Variants in GALNT13 observed in about 807,000 individuals in gnomAD.
GALNT13 encodes the protein UDP-GalNAc:polypeptide N-acetylgalactosaminyltransferase 13.
A neutral mutation model predicts 64.2 loss-of-function variants in GALNT13; 28 were observed. The ratio of observed to expected loss-of-function variants is 0.44; its 90% confidence interval spans 0.32 to 0.60. The LOEUF (loss-of-function observed/expected upper bound fraction) is 0.60. Ranked by LOEUF, GALNT13 falls within the 20% of genes least tolerant of loss-of-function variation. GALNT13 has a pLI of 0.05. For synonymous variants in GALNT13, 214 were observed against 224.6 expected (o/e 0.95, Z 0.42); for missense variants, 577 against 669.8 (o/e 0.86, Z 1.53).
the GALNT13 span, among the ~76,000 whole-genome samples, chr2:153,150,265 G>A: frequency 2.0e-5 from 3 of 151,986 alleles, no homozygotes; most frequent in Non-Finnish European, 4.4e-5. Context: ...ACCTATAAAT[G>A]TCCTCTTTTG....
At chr2:154,103,657 C>A (rs2105469558) in intron 3 of GALNT13, among the ~76,000 whole-genome samples, 1 of 152,188 alleles carries the variant, frequency 6.6e-6, no homozygotes, top group African/African-American at 2.4e-5. Flanking sequence ...ATTTATTATT[C>A]TTTTCTCCCC....
chr2:153,101,541 T>C, the GALNT13 span, among the ~76,000 whole-genome samples: 1 of 152,236 alleles, frequency 6.6e-6, no homozygotes. Flanking sequence ...ATCTGAAATG[T>C]AATGCACTGC....
the GALNT13 span, among the ~76,000 whole-genome samples, chr2:153,462,085 T>A: frequency 6.6e-6 from 1 of 152,124 alleles, no homozygotes; most frequent in East Asian, 1.9e-4. Context: ...GGAGCTTTTA[T>A]GGAATAGATA....
chr2:153,490,952 T>C, the GALNT13 span, among the ~76,000 whole-genome samples: 1 of 142,808 alleles, frequency 7.0e-6, no homozygotes, highest in African/African-American at 2.7e-5. Context: ...AAAGCCAGAC[T>C]CTGTCTCAAA....
the GALNT13 span, among the ~76,000 whole-genome samples, chr2:153,667,070 A>C: frequency 6.6e-6 from 1 of 152,158 alleles, no homozygotes; most frequent in Non-Finnish European, 1.5e-5. Context: ...AACTCACTTC[A>C]GTCAGAAAAA....
At chr2:153,263,510 A>C in the GALNT13 span, among the ~76,000 whole-genome samples, 37 of 152,350 alleles carry the variant, frequency 2.4e-4, no homozygotes, top group South Asian at 7.7e-3. Flanking sequence ...AGCAAAAAGA[A>C]CAAAGCTAGA....
At chr2:154,299,390 A>T (rs562718765) in intron 8 of GALNT13, among the ~76,000 whole-genome samples, 1 of 151,882 alleles carries the variant, frequency 6.6e-6, no homozygotes, top group Admixed American at 6.6e-5. Context: ...AATGTGCGTA[A>T]TCACAAGAAG....
the GALNT13 span, among the ~76,000 whole-genome samples, chr2:153,592,536 T>C: frequency 6.6e-6 from 1 of 152,160 alleles, no homozygotes; most frequent in Admixed American, 6.6e-5. Flanking sequence ...AATTATGTCT[T>C]TTGCAGCACC....
the GALNT13 span, among the ~76,000 whole-genome samples, chr2:153,196,838 C>A: frequency 6.6e-6 from 1 of 152,098 alleles, no homozygotes; most frequent in African/African-American, 2.4e-5. Context: ...CACCCTGGGC[C>A]CAGCTCCGAC....
At chr2:153,068,960 G>A in the GALNT13 span, among the ~76,000 whole-genome samples, 1 of 152,198 alleles carries the variant, frequency 6.6e-6, no homozygotes. Context: ...CTTATGGAGA[G>A]TTGTGCTTTC....
chr2:154,307,094 T>C (rs1165788908), intron 9 of GALNT13, among the ~76,000 whole-genome samples: 2 of 151,838 alleles, frequency 1.3e-5, no homozygotes, highest in African/African-American at 2.4e-5. Flanking sequence ...CAAGATGGAG[T>C]TGGGTAGGTC....
the GALNT13 span, among the ~76,000 whole-genome samples, chr2:153,126,337 TA>T: frequency 1.7e-5 from 1 of 57,746 alleles, no homozygotes; most frequent in African/African-American, 5.2e-5. Flanking sequence ...TATATATATA[TA>T]TATATATATG....
intron 11 of GALNT13, among the ~76,000 whole-genome samples, chr2:154,431,709 T>A: frequency 6.6e-6 from 1 of 152,194 alleles, no homozygotes; most frequent in East Asian, 1.9e-4. Context: ...AATCCCCACG[T>A]GTCATGAGAG....
the GALNT13 span, among the ~76,000 whole-genome samples, chr2:153,475,303 T>C: frequency 6.6e-6 from 1 of 152,346 alleles, no homozygotes. Flanking sequence ...TGCATTTCCC[T>C]GTAGTGCATA....
chr2:154,238,269 A>G (rs77297499), intron 4 of GALNT13, among the ~76,000 whole-genome samples: 3,702 of 152,172 alleles, frequency 0.024, 132 homozygotes, highest in African/African-American at 0.077. Context: ...TTTAAAGGCA[A>G]AGAAAGCTTA....
the GALNT13 span, among the ~76,000 whole-genome samples, chr2:153,809,449 C>A: frequency 6.6e-6 from 1 of 152,126 alleles, no homozygotes; most frequent in African/African-American, 2.4e-5. Context: ...AACATCATGT[C>A]CTAATACATC....
upstream of GALNT13, among the ~76,000 whole-genome samples, chr2:153,869,986 A>T (rs938909454): frequency 1.3e-5 from 2 of 152,058 alleles, no homozygotes; most frequent in Non-Finnish European, 2.9e-5. Context: ...GCTAGATTAA[A>T]CAAAAGACAA....
At chr2:153,391,404 G>A in the GALNT13 span, among the ~76,000 whole-genome samples, 24 of 152,070 alleles carry the variant, frequency 1.6e-4, no homozygotes, top group African/African-American at 5.3e-4. Flanking sequence ...TGACACGCTA[G>A]TAATGATTGT....
the GALNT13 span, among the ~76,000 whole-genome samples, chr2:153,227,521 A>T: frequency 6.6e-6 from 1 of 152,202 alleles, no homozygotes; most frequent in East Asian, 1.9e-4. Flanking sequence ...GCAAAGAATT[A>T]CGGTAATGTG....
Sources: gnomAD v4.1 joint callset for allele counts (sites outside exome capture counted in the v4.1 genomes callset) on GRCh38, gnomAD v4.1.1 for gene constraint, MANE v1.5 for transcripts, NCBI Gene and HGNC (gene_info 2026-07-23, HGNC 2026-07-21) for gene names.